The following PRKG1 variants were observed in gnomAD, a reference collection of about 807,000 sequenced individuals.
The protein encoded by PRKG1 is cGMP-dependent protein kinase 1.
PRKG1 carries 35 observed loss-of-function variants against 88.1 expected under a neutral mutation model. The ratio of observed to expected loss-of-function variants is 0.40; its 90% CI spans 0.30 to 0.53. PRKG1 has a LOEUF of 0.53. Among genes scored for constraint, PRKG1 ranks in the 20% least tolerant of loss-of-function variants. PRKG1 has a pLI of 0.59. For missense variants in PRKG1, 540 were observed against 839.8 expected (o/e 0.64, Z 4.41); for synonymous variants, 303 against 292.5 (o/e 1.04, Z -0.37).
chr10:51,934,253 T>TACCA (rs1842756238), intron 5 of PRKG1, among the ~76,000 whole-genome samples: 2 of 107,320 alleles, frequency 1.9e-5, no homozygotes, highest in African/African-American at 6.8e-5. Context: ...TACACACACA[T>TACCA]ACCCCCCCCC....
chr10:52,190,362 C>A (rs899632342), intron 9 of PRKG1, among the ~76,000 whole-genome samples: 1 of 152,046 alleles, frequency 6.6e-6, no homozygotes, highest in Non-Finnish European at 1.5e-5. Context: ...ATGAGGCAGA[C>A]AAATGCATTC....
intron 2 of PRKG1, among the ~76,000 whole-genome samples, chr10:51,370,157 C>A (rs1191479316): frequency 6.6e-6 from 1 of 152,092 alleles, no homozygotes; most frequent in Non-Finnish European, 1.5e-5. Context: ...GCTGCCTCCT[C>A]TGTGATTTTG....
chr10:51,305,144 A>C (rs2132247622), intron 2 of PRKG1, among the ~76,000 whole-genome samples: 1 of 152,304 alleles, frequency 6.6e-6, no homozygotes, highest in African/African-American at 2.4e-5. Flanking sequence ...CTATAGGAGC[A>C]TAATCACCCC....
chr10:51,180,737 T>C lies in PRKG1; in HGVS notation c.478+27407T>C, dbSNP rs994626198. ...TGCAGAAATACATGGCATCTCTCAT[T>C]AGGGTTCTTTCTGGTAGCAACAGTG... On this transcript the variant is annotated intron_variant, in intron 2 of 17. Coordinates refer to ENST00000373980, the MANE Select transcript of PRKG1 (RefSeq NM_006258.4). Among the ~76,000 whole-genome samples the C allele has an allele frequency of 3.3e-5, 5 of 152,182 alleles. No homozygotes were observed. The South Asian group carries it at 8.3e-4, about 25-fold the overall frequency.
At chr10:51,243,865 A>G (rs1410313551) in intron 2 of PRKG1, among the ~76,000 whole-genome samples, 1 of 152,144 alleles carries the variant, frequency 6.6e-6, no homozygotes, top group Non-Finnish European at 1.5e-5. Flanking sequence ...GACTTCTTAT[A>G]TTGCCTTCTG....
upstream of PRKG1, among the ~76,000 whole-genome samples, chr10:51,072,715 A>T (rs1843849817): frequency 6.6e-6 from 1 of 152,180 alleles, no homozygotes; most frequent in Admixed American, 6.5e-5. Flanking sequence ...GAATTACTAG[A>T]TCATAATCTA....
At chr10:51,545,460 G>A (rs960942929) in intron 3 of PRKG1, among the ~76,000 whole-genome samples, 8 of 152,064 alleles carry the variant, frequency 5.3e-5, no homozygotes, top group Non-Finnish European at 8.8e-5. Flanking sequence ...TATAGAGCAC[G>A]TTTTCCTTGG....
intron 7 of PRKG1, among the ~76,000 whole-genome samples, chr10:52,075,128 T>C (rs1273674261): frequency 6.6e-6 from 1 of 152,200 alleles, no homozygotes; most frequent in African/African-American, 2.4e-5. Flanking sequence ...TACTTATTAT[T>C]TAATCAAGCA....
rs1446960943 is a variant in PRKG1, at chr10:51,017,579, A to G, written c.266+25935A>G. On this transcript the variant is annotated intron_variant, in intron 1 of 17. Transcript: ENST00000401604. ...AGGATATAGTTTCAAACATTCAAAGAGTTTACCTTCTAGTCCAATAGACAC... is the reference window on the plus strand; with the variant it reads ...AGGATATAGTTTCAAACATTCAAAGGGTTTACCTTCTAGTCCAATAGACAC... 2.0e-5 allele frequency among the ~76,000 whole-genome samples: 3 copies of G among 152,176 alleles called. 1 individual carries two copies. In the South Asian group the frequency reaches 6.2e-4, roughly 31 times the overall value.
rs1187985920 is a variant in PRKG1 at position 52,104,171 on chromosome 10, ATCT to A, written c.936-29664_936-29662del. On this transcript the variant is annotated intron_variant, in intron 7 of 17. Transcript: ENST00000373980. ...TTTATATTTACTTTTTAGCATATAAATCTTCTTATTTTATGTACATAGGAATAC... is the reference window on the plus strand; with the variant it reads ...TTTATATTTACTTTTTAGCATATAAATCTTATTTTATGTACATAGGAATAC... Among the ~76,000 whole-genome samples, 6 of 151,684 alleles carry A rather than the reference ATCT, an allele frequency of 4.0e-5. No individual in the cohort carries two copies. The East Asian group carries it at 5.8e-4, about 15-fold the overall frequency.
At chr10:51,889,925 T>A (rs961938157) in intron 4 of PRKG1, among the ~76,000 whole-genome samples, 2 of 152,188 alleles carry the variant, frequency 1.3e-5, no homozygotes, top group African/African-American at 4.8e-5. Context: ...TTCTTGTAAG[T>A]TTGTTTGAGT....
chr10:50,993,587 G>C (rs985502943), intron 1 of PRKG1, among the ~76,000 whole-genome samples: 1 of 152,184 alleles, frequency 6.6e-6, no homozygotes, highest in Non-Finnish European at 1.5e-5. Context: ...GCGGTCACCC[G>C]GCAGCTGCTC....
At chr10:51,269,656 C>G (rs1256486132) in intron 2 of PRKG1, among the ~76,000 whole-genome samples, 1 of 152,086 alleles carries the variant, frequency 6.6e-6, no homozygotes, top group East Asian at 1.9e-4. Context: ...CAAGTGGAAG[C>G]TAAACTATGA....
intron 7 of PRKG1, among the ~76,000 whole-genome samples, chr10:52,079,672 G>A (rs1264542832): frequency 1.3e-5 from 2 of 152,116 alleles, no homozygotes; most frequent in Non-Finnish European, 2.9e-5. Context: ...TGGATATGTG[G>A]GCTACTCATG....
intron 1 of PRKG1, among the ~76,000 whole-genome samples, chr10:51,086,823 G>A (rs1222234963): frequency 1.3e-5 from 2 of 152,174 alleles, no homozygotes; most frequent in Middle Eastern, 3.2e-3. Context: ...TTTTGGTGCA[G>A]TCACTGAAGT....
chr10:51,146,157 C>A (rs1048970640), intron 1 of PRKG1, among the ~76,000 whole-genome samples: 4 of 151,810 alleles, frequency 2.6e-5, no homozygotes, highest in Middle Eastern at 3.2e-3. Context: ...CCACTGCACT[C>A]CAGCCTGGGT....
intron 3 of PRKG1, among the ~76,000 whole-genome samples, chr10:51,494,808 AATTTATTCTGTTCATTTTATTATGCT>A (rs1465660558): frequency 3.9e-5 from 6 of 152,116 alleles, no homozygotes; most frequent in South Asian, 2.1e-4. Context: ...ACAGGTTTTA[AATTTATTCTGTTCATTTTATTATGCT>A]ATTTATTCTG....
chr10:51,517,090 T>C (rs1841609226), intron 3 of PRKG1, among the ~76,000 whole-genome samples: 1 of 151,990 alleles, frequency 6.6e-6, no homozygotes, highest in Admixed American at 6.5e-5. Context: ...GACTGACAAA[T>C]GACAAATTAA....
intron 2 of PRKG1, among the ~76,000 whole-genome samples, chr10:51,346,322 G>C (rs1189314): frequency 0.19 from 29,325 of 152,058 alleles, 2,899 homozygotes; most frequent in African/African-American, 0.24. Flanking sequence ...TTTGCGGCTG[G>C]GTTTTATTTG....
Sources: allele counts gnomAD v4.1 joint callset (sites outside exome capture counted in the v4.1 genomes callset), GRCh38; gene constraint gnomAD v4.1.1; transcripts MANE v1.5; gene names NCBI Gene and HGNC (gene_info 2026-07-23, HGNC 2026-07-21).